The following RABGGTA variants were observed in gnomAD, a reference collection of about 807,000 sequenced individuals.
RABGGTA encodes Rab geranylgeranyltransferase subunit alpha, also known as geranylgeranyl transferase type-2 subunit alpha.
A neutral mutation model predicts 83.3 loss-of-function variants in RABGGTA; 69 were observed. That is an observed-to-expected ratio of 0.83 (90% CI 0.68 to 1.01). The LOEUF (loss-of-function observed/expected upper bound fraction) is 1.01. Ranked by LOEUF, RABGGTA falls within the 50% of genes least tolerant of loss-of-function variation. The probability of loss-of-function intolerance (pLI) is 0.00; values close to 1 mark genes in which losing one functional copy is unlikely to be tolerated. For missense variants in RABGGTA, 681 were observed against 712.7 expected (o/e 0.96, Z 0.51); for synonymous variants, 310 against 299.8 (o/e 1.03, Z -0.35).
Position 24,269,969 on chromosome 14 carries a change from C to A in RABGGTA, c.411G>T (p.Glu137Asp). 1 of 1,613,652 alleles carries A rather than the reference C, an allele frequency of 6.2e-7. No individual in the cohort carries two copies. Among genetic ancestry groups the A allele is most frequent in the East Asian group, 2.2e-5 (1 of 44,870 alleles). ...RELELCARFL[E>D]VDERNFHCWD... is the part of the protein sequence containing the mutation. ...GCCACGTACAGTTCCGCTCATCCAC[C>A]TCCAGGAAACGGGCACAGAGCTCCA... Residue 137 changes from glutamate to aspartate, a missense_variant, in exon 5 of 17, where the codon GAG (glutamate) becomes GAT (aspartate). Glu to Asp is a conservative substitution (Grantham distance 45). Transcript: ENST00000216840.
intron 14 of RABGGTA, 73 bp from the exon 15 acceptor site, chr14:24,266,962 A>G: frequency 9.1e-7 from 1 of 1,098,004 alleles, no homozygotes; most frequent in South Asian, 1.3e-5. Context: ...GCCAGCATTT[A>G]TTAGGCACAT....
At chr14:24,269,743 T>C in intron 5 of RABGGTA, 49 bp from the exon 6 acceptor site, 1 of 1,586,146 alleles carries the variant, frequency 6.3e-7, no homozygotes, top group Non-Finnish European at 8.6e-7. Flanking sequence ...CAAGAGGAGC[T>C]ACCTGGCTGG....
chr14:24,269,646 G>A lies in RABGGTA; in HGVS notation c.476C>T (p.Pro159Leu), dbSNP rs779103822. ...RRFVATQAAV[P>L]PAEELAFTDS... ...AGTGAAGGCTAGCTCTTCTGCAGGGGGCACGGCTGCCTGTGTGGCCACAAA... is the reference window on the plus strand; with the variant it reads ...AGTGAAGGCTAGCTCTTCTGCAGGGAGCACGGCTGCCTGTGTGGCCACAAA... Residue 159 changes from proline to leucine, a missense_variant, in exon 6 of 17, where the codon CCC (proline) becomes CTC (leucine). By Grantham distance (98) the Pro-to-Leu change is moderately conservative (BLOSUM62 -3). This residue lies in a region of RABGGTA where 122 missense variants were observed against 118.9 expected (regional missense o/e 1.03). Coordinates refer to ENST00000216840, the MANE Select transcript of RABGGTA (RefSeq NM_182836.3). The A allele has an allele frequency of 6.2e-7, 1 of 1,613,866 alleles. No homozygotes were observed. The highest frequency in any genetic ancestry group is 1.3e-5 in the African/African-American group (1 of 74,912).
At chr14:24,265,960 A>AC (rs1421733997) in intron 16 of RABGGTA, among the ~76,000 whole-genome samples, 197 bp from the exon 17 acceptor site, 3 of 152,024 alleles carry the variant, frequency 2.0e-5, no homozygotes, top group African/African-American at 7.3e-5. Flanking sequence ...GAGCCGCAAC[A>AC]CCCCACGCAA....
rs1566389395 is a variant in RABGGTA, at chr14:24,271,138, CAGGGGA to C, written c.-29_-24del. 6.5e-7 allele frequency: 1 copy of C among 1,536,134 alleles called. No homozygotes were observed. Among genetic ancestry groups the C allele is most frequent in the South Asian group, 1.3e-5 (1 of 78,678 alleles). On this transcript the variant is annotated 5_prime_UTR_variant, in exon 2 of 17. Coordinates refer to ENST00000216840, the MANE Select transcript of RABGGTA (RefSeq NM_182836.3). ...CATGGTGCCGGCTCAGGGTTCAAGA[CAGGGGA>C]AGGGTCCAGTGGTAGCCCTTGAAGT... is the stretch of plus-strand genomic sequence containing the variant.
Position 24,267,945 on chromosome 14 carries a change from G to A in RABGGTA, c.1161C>T (p.Thr387=). The A allele has an allele frequency of 6.2e-7, 1 of 1,613,774 alleles. No homozygotes were observed. Among genetic ancestry groups the A allele is most frequent in the Non-Finnish European group, 8.5e-7 (1 of 1,179,828 alleles). ...LEPENKWCLL[T]IILLMRALDP... is the part of the protein sequence containing the mutation. ...CCAGTGCCCGCATCAGCAGGATGAT[G>A]GTAAGCAGGCACCCTGAGGAGAGGG... is the stretch of plus-strand genomic sequence containing the variant. Residue 387 remains threonine, a synonymous_variant, in exon 13 of 17, where the codon ACC becomes ACT. Coordinates refer to ENST00000216840, the MANE Select transcript of RABGGTA (RefSeq NM_182836.3).
intron 16 of RABGGTA, among the ~76,000 whole-genome samples, chr14:24,266,119 G>A (rs2040870179): frequency 6.6e-6 from 1 of 152,182 alleles, no homozygotes; most frequent in African/African-American, 2.4e-5. Flanking sequence ...TTTTAAGAGA[G>A]GAATTAGAAC....
chr14:24,268,824 C>A lies in RABGGTA; in HGVS notation c.801G>T (p.Val267=). Residue 267 remains valine (V), a splice_region_variant and synonymous_variant, in exon 9 of 17, where the codon GTG becomes GTT. Transcript: ENST00000216840. ...GCAGCAAGATCTCCATCCTGGAGCCCACCTGGCACAAAGGACAAAGACTTC... is the reference window on the plus strand; with the variant it reads ...GCAGCAAGATCTCCATCCTGGAGCCAACCTGGCACAAAGGACAAAGACTTC... ...LTVSFSRPLL[V]GSRMEILLLM... 6.4e-7 allele frequency: 1 copy of A among 1,565,304 alleles called. No homozygotes were observed. The highest frequency in any genetic ancestry group is 2.4e-5 in the East Asian group (1 of 41,870).
chr14:24,270,767 G>T, intron 3 of RABGGTA, 70 bp downstream of exon 3: 2 of 1,554,768 alleles, frequency 1.3e-6, no homozygotes, highest in South Asian at 2.4e-5. Flanking sequence ...TGACTCTAGG[G>T]ACCAGCTCTT....
intron 16 of RABGGTA, among the ~76,000 whole-genome samples, chr14:24,266,205 C>G (rs1003596245): frequency 6.6e-6 from 1 of 152,268 alleles, no homozygotes. Flanking sequence ...CTGCGGGCTG[C>G]CCATTTGTGA....
chr14:24,266,897 G>C lies in RABGGTA; in HGVS notation c.1354-8C>G. 1 of 1,605,838 alleles carries C rather than the reference G, an allele frequency of 6.2e-7. No homozygotes were observed. The highest frequency in any genetic ancestry group is 8.5e-7 in the Non-Finnish European group (1 of 1,172,634). On this transcript the variant is annotated splice_polypyrimidine_tract_variant and splice_region_variant and intron_variant, in intron 14 of 16. Transcript: ENST00000216840. ...GCAGAGCACTGTCAGATCCTGGGGG[G>C]TGAAGGGAGGAAGGAGGTGATGGGC...
At chr14:24,270,244 C>T in intron 4 of RABGGTA, 90 bp downstream of exon 4, 1 of 1,569,318 alleles carries the variant, frequency 6.4e-7, no homozygotes, top group Non-Finnish European at 8.7e-7. Context: ...ATCTATGCCA[C>T]TGGCTGCCCC....
At chr14:24,265,980 G>A (rs1401770993) in intron 16 of RABGGTA, among the ~76,000 whole-genome samples, 2 of 152,174 alleles carry the variant, frequency 1.3e-5, no homozygotes, top group Non-Finnish European at 2.9e-5. Flanking sequence ...AGCTGGTGTA[G>A]TATCAGGGGA....
chr14:24,266,789 A>C lies in RABGGTA; in HGVS notation c.1454T>G (p.Leu485Arg). 1 of 1,613,318 alleles carries C rather than the reference A, an allele frequency of 6.2e-7. No homozygotes were observed. Among genetic ancestry groups the C allele is most frequent in the African/African-American group, 1.3e-5 (1 of 75,036 alleles). Reference protein sequence around the residue: ...LRTLPPALAALRCLEVLQASD... With the variant: ...LRTLPPALAARRCLEVLQASD... ...TGGGTACTTTACCTCAAGGCAGCGCAGGGCAGCCAGTGCAGGTGGCAGGGT... is the reference window on the plus strand; with the variant it reads ...TGGGTACTTTACCTCAAGGCAGCGCCGGGCAGCCAGTGCAGGTGGCAGGGT... The change falls in exon 15 of 17, where the codon CTG becomes CGG. Residue 485 changes from leucine to arginine, a missense_variant. Coordinates refer to ENST00000216840, the MANE Select transcript of RABGGTA (RefSeq NM_182836.3).
chr14:24,271,135 A>T lies in RABGGTA; in HGVS notation c.-20T>A. ...CACCATGGTGCCGGCTCAGGGTTCA[A>T]GACAGGGGAAGGGTCCAGTGGTAGC... On this transcript the variant is annotated 5_prime_UTR_variant, in exon 2 of 17. In the 5' UTR this introduces an upstream ATG that the reference lacks. Transcript: ENST00000216840. 1.3e-6 allele frequency: 2 copies of T among 1,537,002 alleles called. No homozygotes were observed. The highest frequency in any genetic ancestry group is 1.3e-5 in the South Asian group (1 of 78,780).
rs1340199514 is a variant in RABGGTA, at chr14:24,267,866, T to TTGAGGGTC, written c.1236+3_1236+4insGACCCTCA. The TTGAGGGTC allele has an allele frequency of 6.2e-7, 1 of 1,613,414 alleles. No individual in the cohort carries two copies. Among genetic ancestry groups the TTGAGGGTC allele is most frequent in the Admixed American group, 1.7e-5 (1 of 60,014 alleles). ...CCCTGGTCTGTTCTGCAGACAGAAC[T>TTGAGGGTC]TGCCTTGAGGGTCTGGAAGTACTGC... On this transcript the variant is annotated splice_donor_region_variant and intron_variant, in intron 13 of 16. Transcript: ENST00000216840.
chr14:24,269,391 G>T, intron 6 of RABGGTA, 100 bp downstream of exon 6: 1 of 1,375,604 alleles, frequency 7.3e-7, no homozygotes, highest in African/African-American at 1.4e-5. Context: ...TGAAGTAGGT[G>T]CTCAATAAAC....
Position 24,270,356 on chromosome 14 carries a change from G to T in RABGGTA, c.217C>A (p.Leu73Ile). Residue 73 changes from leucine to isoleucine, a missense_variant, in exon 4 of 17, where the codon CTC becomes ATC. By Grantham distance (5) the Leu-to-Ile change is conservative. This residue lies in a region of RABGGTA where 115 missense variants were observed against 111.5 expected (regional missense o/e 1.03). Transcript: ENST00000216840. Reference sequence around the variant, plus strand: ...CACTTCTGAGTCTCCAGCTGCTGGAGCACCTCTCGTCGGCAGTTCCAGAGG... The same window carrying T: ...CACTTCTGAGTCTCCAGCTGCTGGATCACCTCTCGTCGGCAGTTCCAGAGG... ...ATLWNCRREV[L>I]QQLETQKSPE... 6.2e-7 allele frequency: 1 copy of T among 1,612,116 alleles called. No individual in the cohort carries two copies. Among genetic ancestry groups the T allele is most frequent in the East Asian group, 2.2e-5 (1 of 44,744 alleles).
chr14:24,266,635 G>A (rs2040876883), intron 15 of RABGGTA, 118 bp from the exon 16 acceptor site: 1 of 1,238,004 alleles, frequency 8.1e-7, no homozygotes, highest in Non-Finnish European at 1.2e-6. Flanking sequence ...GGGTCAGGCT[G>A]CGTGATGGAG....
Sources: allele counts gnomAD v4.1 joint callset (sites outside exome capture counted in the v4.1 genomes callset), GRCh38; gene constraint gnomAD v4.1.1; regional missense constraint gnomAD v4.1.1; transcripts MANE v1.5; gene names NCBI Gene and HGNC (gene_info 2026-07-23, HGNC 2026-07-21).